Variants in KLRG1 observed in about 807,000 individuals in gnomAD.
KLRG1 encodes killer cell lectin-like receptor subfamily G member 1.
A neutral mutation model predicts 21.8 loss-of-function variants in KLRG1; 16 were observed. The observed-to-expected ratio is 0.73, with a 90% CI of 0.50 to 1.11. The LOEUF (loss-of-function observed/expected upper bound fraction) is 1.11. Among genes scored for constraint, KLRG1 ranks in the 50% most tolerant of loss-of-function variants. KLRG1 has a pLI of 0.00. For missense variants in KLRG1, 173 were observed against 218.3 expected (o/e 0.79, Z 1.31); for synonymous variants, 69 against 75.9 (o/e 0.91, Z 0.47).
chr12:9,034,717 G>A, the KLRG1 span, among the ~76,000 whole-genome samples: 1 of 152,336 alleles, frequency 6.6e-6, no homozygotes, highest in East Asian at 1.9e-4. Context: ...AAAGTGTTGG[G>A]ATTACAGGCG....
At chr12:8,992,955 T>C (rs1417836409) in intron 2 of KLRG1, among the ~76,000 whole-genome samples, 1 of 152,146 alleles carries the variant, frequency 6.6e-6, no homozygotes, top group Admixed American at 6.5e-5. Flanking sequence ...TGTATATTGC[T>C]TTTTAATTTT....
chr12:9,054,399 C>G, the KLRG1 span, among the ~76,000 whole-genome samples: 13 of 152,100 alleles, frequency 8.5e-5, no homozygotes, highest in African/African-American at 2.9e-4. Flanking sequence ...TCCTATGACT[C>G]TTTATGAAAA....
chr12:9,109,231 A>T, the KLRG1 span: 1 of 1,008,170 alleles, frequency 9.9e-7, no homozygotes, highest in South Asian at 1.5e-5. Flanking sequence ...TTGTGTTGCC[A>T]CTGCTCCCGG....
At chr12:9,199,631 G>A in the KLRG1 span, among the ~76,000 whole-genome samples, 1 of 152,052 alleles carries the variant, frequency 6.6e-6, no homozygotes, top group East Asian at 1.9e-4. Context: ...GAGGCCAACT[G>A]ATGATCTTCA....
the KLRG1 span, chr12:9,181,963 T>C: frequency 6.2e-7 from 1 of 1,611,628 alleles, no homozygotes; most frequent in African/African-American, 1.3e-5. Flanking sequence ...AATTTTATGT[T>C]AAATCGCTCA....
chr12:8,991,622 T>C (rs1029590403), intron 1 of KLRG1, among the ~76,000 whole-genome samples: 1 of 152,038 alleles, frequency 6.6e-6, no homozygotes, highest in Non-Finnish European at 1.5e-5. Context: ...TTTCTTTGTC[T>C]TGACTATATA....
At chr12:9,142,770 A>G in the KLRG1 span, among the ~76,000 whole-genome samples, 2 of 152,218 alleles carry the variant, frequency 1.3e-5, no homozygotes, top group Non-Finnish European at 2.9e-5. Context: ...GGCCTAATAA[A>G]CAAGTAAAGC....
the KLRG1 span, chr12:9,151,785 GCTAAT>G: frequency 1.2e-6 from 1 of 802,168 alleles, no homozygotes; most frequent in East Asian, 2.7e-5. Flanking sequence ...AGAGAAGAAA[GCTAAT>G]TGTTTTCAGG....
the KLRG1 span, chr12:9,202,364 G>A: frequency 3.1e-6 from 5 of 1,614,104 alleles, no homozygotes; most frequent in South Asian, 4.4e-5. Context: ...AGACAACACG[G>A]AATCTTACTG....
chr12:9,196,307 C>T, the KLRG1 span: 2 of 1,530,340 alleles, frequency 1.3e-6, no homozygotes, highest in South Asian at 2.3e-5. Flanking sequence ...CTTTGCTTAC[C>T]TGTGCATTAC....
downstream of KLRG1, among the ~76,000 whole-genome samples, chr12:9,012,916 G>C (rs1452814205): frequency 6.6e-6 from 1 of 152,166 alleles, no homozygotes; most frequent in African/African-American, 2.4e-5. Flanking sequence ...TGCTATGCTG[G>C]CTTCAGGTCT....
chr12:9,024,260 C>A, the KLRG1 span, among the ~76,000 whole-genome samples: 3 of 151,990 alleles, frequency 2.0e-5, no homozygotes. Context: ...CTCCTGACCT[C>A]AGGTGATCCG....
the KLRG1 span, chr12:9,157,119 C>G: frequency 6.5e-7 from 1 of 1,536,568 alleles, no homozygotes; most frequent in African/African-American, 1.4e-5. Flanking sequence ...TGTGCTGTTC[C>G]CCTCCCTGTG....
the KLRG1 span, among the ~76,000 whole-genome samples, chr12:9,041,061 C>T: frequency 1.6e-4 from 25 of 152,198 alleles, no homozygotes; most frequent in African/African-American, 5.8e-4. Flanking sequence ...TATTGCCAGG[C>T]GTGGTGGATC....
At chr12:8,999,120 C>T (rs1463863801) in intron 3 of KLRG1, among the ~76,000 whole-genome samples, 4 of 151,306 alleles carry the variant, frequency 2.6e-5, no homozygotes, top group Non-Finnish European at 4.4e-5. Flanking sequence ...CTGTTATTTT[C>T]TCATTTTTGT....
chr12:9,132,237 C>A, the KLRG1 span, among the ~76,000 whole-genome samples: 1 of 152,208 alleles, frequency 6.6e-6, no homozygotes, highest in Non-Finnish European at 1.5e-5. Flanking sequence ...GAACACCAAC[C>A]TATGGACTTT....
chr12:9,119,126 A>G, the KLRG1 span, among the ~76,000 whole-genome samples: 2 of 152,208 alleles, frequency 1.3e-5, no homozygotes, highest in African/African-American at 2.4e-5. Context: ...ATGACTTTAT[A>G]CCAAGGCATC....
the KLRG1 span, chr12:9,067,620 G>A: frequency 3.0e-6 from 2 of 663,944 alleles, no homozygotes; most frequent in African/African-American, 3.6e-5. Flanking sequence ...TTCAGCACTT[G>A]ATTCCTTTAA....
At chr12:9,161,418 G>T in the KLRG1 span, among the ~76,000 whole-genome samples, 1 of 152,194 alleles carries the variant, frequency 6.6e-6, no homozygotes, top group South Asian at 2.1e-4. Flanking sequence ...CAAGGAATAA[G>T]AATTTGACTT....
Sources: gnomAD v4.1 joint callset for allele counts (sites outside exome capture counted in the v4.1 genomes callset) on GRCh38, gnomAD v4.1.1 for gene constraint, MANE v1.5 for transcripts, NCBI Gene and HGNC (gene_info 2026-07-23, HGNC 2026-07-21) for gene names.